Variants in TENM3 observed in about 807,000 individuals in gnomAD.
TENM3 encodes teneurin transmembrane protein 3.
A neutral mutation model predicts 255.1 loss-of-function variants in TENM3; 63 were observed. That is an observed-to-expected ratio of 0.25 (90% confidence interval 0.20 to 0.30). TENM3 has a LOEUF of 0.30. Ranked by LOEUF, TENM3 falls within the 10% of genes least tolerant of loss-of-function variation. The pLI, the probability that TENM3 is intolerant of heterozygous loss-of-function variation, is 1.00. For synonymous variants in TENM3, 1,306 were observed against 1,322.3 expected, an observed-to-expected ratio of 0.99 and a Z score of 0.27; for missense variants, 2,929 against 3,461.1, an observed-to-expected ratio of 0.85 and a Z score of 3.86.
At chr4:182,030,889 G>A in the TENM3 span, among the ~76,000 whole-genome samples, 2 of 151,996 alleles carry the variant, frequency 1.3e-5, no homozygotes, top group South Asian at 2.1e-4. Context: ...CTTCGCCCAC[G>A]TTTTAATGGG....
At chr4:181,690,229 C>A in the TENM3 span, among the ~76,000 whole-genome samples, 2 of 102,614 alleles carry the variant, frequency 1.9e-5, no homozygotes, top group Admixed American at 1.3e-4. Context: ...AGGGCACATG[C>A]GCGTGAGCGT....
In TENM3 at chr4:182,794,948, C is replaced by CT. The variant is rs71923194; in HGVS notation, c.7213+1073dup. Among the ~76,000 whole-genome samples, 689 of 148,436 alleles carry CT rather than the reference C, an allele frequency of 4.6e-3. 4 individuals carry two copies. Among genetic ancestry groups the CT allele is most frequent in the African/African-American group, 0.011 (451 of 40,642 alleles). ...CAGGAGGAAGGTTCTTTCCTGTTGT[C>CT]TTTTTTTTTTGGGCTTGATTTAAGG... On this transcript the variant is annotated intron_variant, in intron 26 of 27. Transcript: ENST00000511685.
chr4:182,407,568 G>A (rs1769672202), intron 3 of TENM3, among the ~76,000 whole-genome samples: 1 of 152,132 alleles, frequency 6.6e-6, no homozygotes, highest in South Asian at 2.1e-4. Context: ...TAGGACCTGA[G>A]ACCTTAAGCA....
At chr4:181,631,397 C>A in the TENM3 span, among the ~76,000 whole-genome samples, 1 of 152,148 alleles carries the variant, frequency 6.6e-6, no homozygotes, top group African/African-American at 2.4e-5. Flanking sequence ...TCAAGCGATT[C>A]TCCTGCCTCA....
intron 3 of TENM3, among the ~76,000 whole-genome samples, chr4:182,531,753 G>A (rs1739797847): frequency 1.3e-5 from 2 of 152,170 alleles, no homozygotes; most frequent in Non-Finnish European, 2.9e-5. Context: ...AAGAGACTCC[G>A]TGGGCAGGTT....
chr4:182,250,266 A>T (rs1414959208), intron 1 of TENM3, among the ~76,000 whole-genome samples: 1 of 140,804 alleles, frequency 7.1e-6, no homozygotes, highest in Non-Finnish European at 1.5e-5. Context: ...GTTAGCCAGG[A>T]TGGTCTCGAT....
At chr4:181,546,498 G>A in the TENM3 span, among the ~76,000 whole-genome samples, 10 of 151,322 alleles carry the variant, frequency 6.6e-5, no homozygotes, top group African/African-American at 2.4e-4. Context: ...GCTGGATCAC[G>A]AGGTCAGGAG....
intron 20 of TENM3, 59 bp downstream of exon 20, chr4:182,752,091 G>T: frequency 1.8e-6 from 2 of 1,086,180 alleles, no homozygotes; most frequent in South Asian, 1.8e-5. Context: ...AAAAAAAAGG[G>T]GTTGAAAATC....
the TENM3 span, among the ~76,000 whole-genome samples, chr4:181,461,998 A>G: frequency 6.6e-6 from 1 of 152,172 alleles, no homozygotes; most frequent in Non-Finnish European, 1.5e-5. Flanking sequence ...TTCCAACAAA[A>G]GTATTGGGCC....
intron 1 of TENM3, among the ~76,000 whole-genome samples, chr4:182,176,694 G>A (rs1392239520): frequency 6.6e-6 from 1 of 151,718 alleles, no homozygotes; most frequent in Admixed American, 6.6e-5. Flanking sequence ...TTGAGACGGA[G>A]TCTCACTCTG....
chr4:182,679,084 A>G (rs950806033), intron 7 of TENM3, among the ~76,000 whole-genome samples: 10 of 152,170 alleles, frequency 6.6e-5, no homozygotes, highest in Non-Finnish European at 1.3e-4. Context: ...GGGGAGGGAT[A>G]GCATTAGGAG....
chr4:181,589,931 A>T, the TENM3 span, among the ~76,000 whole-genome samples: 23 of 152,166 alleles, frequency 1.5e-4, no homozygotes, highest in Non-Finnish European at 1.5e-4. Context: ...TACGAAACAG[A>T]AGGGAGGTCA....
chr4:182,515,547 C>T (rs1244294456), intron 3 of TENM3, among the ~76,000 whole-genome samples: 1 of 152,076 alleles, frequency 6.6e-6, no homozygotes, highest in Non-Finnish European at 1.5e-5. Context: ...TATATGAATA[C>T]ATAAATGTAT....
intron 1 of TENM3, among the ~76,000 whole-genome samples, chr4:182,247,543 A>C (rs990938770): frequency 2.0e-5 from 3 of 152,178 alleles, no homozygotes; most frequent in African/African-American, 4.8e-5. Flanking sequence ...TCTAGTCACA[A>C]AGTGTTGTTA....
intron 4 of TENM3, among the ~76,000 whole-genome samples, chr4:182,615,176 G>A (rs1162357370): frequency 6.6e-6 from 1 of 150,938 alleles, no homozygotes; most frequent in African/African-American, 2.4e-5. Context: ...TTAGAATTGA[G>A]TTTTTCAGAA....
the TENM3 span, among the ~76,000 whole-genome samples, chr4:181,466,408 G>A: frequency 5.1e-3 from 779 of 152,086 alleles, 8 homozygotes; most frequent in African/African-American, 0.018. Context: ...GAGCCACCGC[G>A]CCTGGCCTGG....
At chr4:182,554,264 G>C (rs73872431) in intron 3 of TENM3, among the ~76,000 whole-genome samples, 3,484 of 152,122 alleles carry the variant, frequency 0.023, 80 homozygotes, top group African/African-American at 0.055. Flanking sequence ...TATTTGTACT[G>C]TTCTTCTAAT....
Position 182,397,398 on chromosome 4 carries a change from T to TAAAA in TENM3, c.511+50497_511+50500dup, listed in dbSNP as rs144177808. ...CCTGGTGACAGAGCGAGACTCCATC[T>TAAAA]AAAAAAAAAAAAAAAAAAAAAAAAA... On this transcript the variant is annotated intron_variant, in intron 3 of 27. Transcript: ENST00000511685. Among the ~76,000 whole-genome samples, 168 of 48,968 alleles carry TAAAA rather than the reference T, an allele frequency of 3.4e-3. 3 individuals are homozygous for TAAAA. The highest frequency in any genetic ancestry group is 0.019 in the Middle Eastern group (1 of 54). The allele number at this position is 48,968 out of a possible 152,430, so 32.1% of individuals were successfully genotyped here.
At chr4:181,807,974 A>C in the TENM3 span, among the ~76,000 whole-genome samples, 1 of 152,136 alleles carries the variant, frequency 6.6e-6, no homozygotes, top group Non-Finnish European at 1.5e-5. Flanking sequence ...CAGATTTTTC[A>C]CTTCCTGATG....
Sources: allele counts gnomAD v4.1 joint callset (sites outside exome capture counted in the v4.1 genomes callset), GRCh38; gene constraint gnomAD v4.1.1; transcripts MANE v1.5; gene names NCBI Gene and HGNC (gene_info 2026-07-23, HGNC 2026-07-21).